Variants in LMTK3 observed in about 807,000 individuals in gnomAD.
LMTK3 encodes the protein serine/threonine-protein kinase LMTK3.
Under a neutral mutation model 116.7 loss-of-function variants are expected in LMTK3, and 27 were observed. The ratio of observed to expected loss-of-function variants is 0.23; its 90% CI spans 0.17 to 0.32. The LOEUF is 0.32. Among genes scored for constraint, LMTK3 ranks in the 10% least tolerant of loss-of-function variants. The pLI is 1.00. For synonymous variants in LMTK3, 965 were observed against 971.0 expected, an observed-to-expected ratio of 0.99 and a Z score of 0.11; for missense variants, 1,764 against 2,068.5, an observed-to-expected ratio of 0.85 and a Z score of 2.86.
intron 5 of LMTK3, among the ~76,000 whole-genome samples, chr19:48,507,997 C>G (rs895129062): frequency 2.6e-5 from 4 of 151,990 alleles, no homozygotes; most frequent in Non-Finnish European, 5.9e-5. Flanking sequence ...AGGGAAGGGG[C>G]CCCATCCACA....
intron 4 of LMTK3, 123 bp from the exon 5 acceptor site, chr19:48,509,092 C>T: frequency 1.5e-6 from 1 of 659,052 alleles, no homozygotes; most frequent in Non-Finnish European, 2.6e-6. Context: ...CCTCCACATC[C>T]CACCACCCTT....
Position 48,498,345 on chromosome 19 carries a change from T to C in LMTK3, c.2724A>G (p.Thr908=). The C allele has an allele frequency of 2.5e-6, 4 of 1,613,172 alleles. No individual in the cohort carries two copies. The highest frequency in any genetic ancestry group is 2.5e-6 in the Non-Finnish European group (3 of 1,179,736). ...GGGCTTGTTTCCCGTTGCCCAGGACTGTCGGGTCCCTGTTCAGGCCCGGGA... is the reference window on the plus strand; with the variant it reads ...GGGCTTGTTTCCCGTTGCCCAGGACCGTCGGGTCCCTGTTCAGGCCCGGGA... ...EKVPGLNRDP[T]VLGNGKQAPS... The change falls in exon 11 of 15, where the codon ACA becomes ACG. Residue 908 remains threonine, a synonymous_variant. Coordinates refer to ENST00000600059, the MANE Select transcript of LMTK3 (RefSeq NM_001388485.1).
chr19:48,487,052 T>TA (rs1461753060), intron 14 of LMTK3, among the ~76,000 whole-genome samples: 6 of 144,740 alleles, frequency 4.1e-5, no homozygotes, highest in Non-Finnish European at 9.0e-5. Flanking sequence ...TTTTTTTTTT[T>TA]AAGACAGAGT....
intron 7 of LMTK3, among the ~76,000 whole-genome samples, chr19:48,501,914 G>A (rs531118488): frequency 2.0e-4 from 21 of 104,790 alleles, no homozygotes; most frequent in African/African-American, 7.7e-4. Context: ...GGCTCCTTCC[G>A]TTCCTCTCCT....
chr19:48,487,559 G>C (rs1972147075), intron 14 of LMTK3, among the ~76,000 whole-genome samples: 1 of 152,160 alleles, frequency 6.6e-6, no homozygotes, highest in Admixed American at 6.5e-5. Context: ...GGTCACTGCT[G>C]TGTCCCCAGC....
intron 6 of LMTK3, 103 bp downstream of exon 6, chr19:48,502,806 A>C: frequency 1.1e-6 from 1 of 929,420 alleles, no homozygotes. Flanking sequence ...CACATCATCT[A>C]CGATGATGAT....
At chr19:48,512,333 C>T (rs1031134297), upstream of LMTK3, among the ~76,000 whole-genome samples, 1 of 152,106 alleles carries the variant, frequency 6.6e-6, no homozygotes, top group African/African-American at 2.4e-5. Flanking sequence ...CCCGGCCACG[C>T]AGGAACGTCA....
Position 48,501,323 on chromosome 19 carries a change from T to A in LMTK3, c.961A>T (p.Thr321Ser). The A allele has an allele frequency of 6.2e-7, 1 of 1,613,390 alleles. No homozygotes were observed. The highest frequency in any genetic ancestry group is 8.5e-7 in the Non-Finnish European group (1 of 1,179,744). Residue 321 changes from threonine (T) to serine (S), a missense_variant, in exon 9 of 15, where the codon ACC (threonine) becomes TCC (serine). Thr to Ser is a moderately conservative substitution (Grantham distance 58). Around this residue, in one of 7 missense-constraint regions of LMTK3, gnomAD observed 271 missense variants for 478.2 expected, o/e 0.57. Coordinates refer to ENST00000600059, the MANE Select transcript of LMTK3 (RefSeq NM_001388485.1). Reference sequence around the variant, plus strand: ...CGGCTCTGGTCCACCACCATGAAGGTCCCGTGGAGCTCCCCGAGGAGCTCG... The same window carrying A: ...CGGCTCTGGTCCACCACCATGAAGGACCCGTGGAGCTCCCCGAGGAGCTCG... ...APELLGELHG[T>S]FMVVDQSRES...
Position 48,497,310 on chromosome 19 carries a change from C to T in LMTK3, c.3676+83G>A, listed in dbSNP as rs1408197153. On this transcript the variant is annotated intron_variant, in intron 11 of 14. Coordinates refer to ENST00000600059, the MANE Select transcript of LMTK3 (RefSeq NM_001388485.1). The surrounding 1 kb of genome is among the most constrained non-coding windows in gnomAD (Gnocchi z 5.7). ...TGCATTCATCACTGCCAGCCCGACCCGACATGTTTACCCACACTCACCCTC... is the reference window on the plus strand; with the variant it reads ...TGCATTCATCACTGCCAGCCCGACCTGACATGTTTACCCACACTCACCCTC... 3 of 1,360,062 alleles carry T rather than the reference C, an allele frequency of 2.2e-6. No individual in the cohort carries two copies. The highest frequency in any genetic ancestry group is 1.5e-5 in the African/African-American group (1 of 66,264). 84.2% of individuals were successfully genotyped at this position (1,360,062 alleles called of 1,614,324 possible).
At chr19:48,506,724 G>A (rs1972577159) in intron 5 of LMTK3, among the ~76,000 whole-genome samples, 1 of 152,160 alleles carries the variant, frequency 6.6e-6, no homozygotes. Flanking sequence ...GAGTACAGTG[G>A]TGTGATCTTG....
chr19:48,503,196 C>T (rs1972503597), intron 5 of LMTK3, among the ~76,000 whole-genome samples, 200 bp from the exon 6 acceptor site: 2 of 152,186 alleles, frequency 1.3e-5, no homozygotes, highest in South Asian at 2.1e-4. Context: ...TACAGGCATG[C>T]GCCACCACGC....
At position 48,499,313 on chromosome 19, in the gene LMTK3, A is replaced by T; in HGVS notation, c.1756T>A (p.Ser586Thr). The change falls in exon 11 of 15, where the codon TCC (serine) becomes ACC (threonine). Residue 586 changes from serine to threonine, a missense_variant. By Grantham distance (58) the Ser-to-Thr change is moderately conservative (BLOSUM62 1). Transcript: ENST00000600059. ...VPQLVSETWASPLFPAPRPFP... is the reference protein window; with the variant it reads ...VPQLVSETWATPLFPAPRPFP... Reference sequence around the variant, plus strand: ...GGCCGGGGCGCAGGGAAGAGGGGGGAGGCCCAGGTCTCGGACACCAGCTGG... The same window carrying T: ...GGCCGGGGCGCAGGGAAGAGGGGGGTGGCCCAGGTCTCGGACACCAGCTGG... 3 of 1,396,218 alleles carry T rather than the reference A, an allele frequency of 2.1e-6. No individual in the cohort carries two copies. The highest frequency in any genetic ancestry group is 2.8e-6 in the Non-Finnish European group (3 of 1,073,174). The allele number at this position is 1,396,218 out of a possible 1,614,324, so 86.5% of individuals were successfully genotyped here. A position where few individuals can be genotyped will look rare whatever the true frequency, so the allele number is the denominator to read the frequency against.
At chr19:48,510,748 G>GGAGTT (rs1277894268) in intron 1 of LMTK3, among the ~76,000 whole-genome samples, 156 bp from the exon 2 acceptor site, 1 of 152,222 alleles carries the variant, frequency 6.6e-6, no homozygotes, top group African/African-American at 2.4e-5. Flanking sequence ...AGGCATTGTG[G>GGAGTT]GAGTTGTAGT....
At position 48,499,213 on chromosome 19, in the gene LMTK3, TC is replaced by T; in HGVS notation, c.1855del (p.Glu619ArgfsTer71). On this transcript the variant is annotated frameshift_variant, in exon 11 of 15. Coordinates refer to ENST00000600059, the MANE Select transcript of LMTK3 (RefSeq NM_001388485.1). LOFTEE classifies it high-confidence loss of function. ...CTCGGCAGGGTCTCCCGCCAGGGTC[TC>T]CCCGGCGCCCCGGCCCTCGGGGTCC... ...GWDPEGRGAG[E>X]TLAGDPAEVL... is the part of the protein sequence containing the mutation. 1 of 1,393,042 alleles carries T rather than the reference TC, an allele frequency of 7.2e-7. No homozygotes were observed. The highest frequency in any genetic ancestry group is 9.4e-7 in the Non-Finnish European group (1 of 1,068,258). The allele number at this position is 1,393,042 out of a possible 1,614,324, so 86.3% of individuals were successfully genotyped here.
chr19:48,504,657 C>T (rs970771768), intron 5 of LMTK3, among the ~76,000 whole-genome samples: 2 of 152,092 alleles, frequency 1.3e-5, no homozygotes, highest in Non-Finnish European at 2.9e-5. Context: ...TCAAGTGATT[C>T]TCCTGCCTCA....
intron 14 of LMTK3, among the ~76,000 whole-genome samples, chr19:48,487,510 G>A (rs1430788713): frequency 6.6e-6 from 1 of 152,152 alleles, no homozygotes; most frequent in East Asian, 1.9e-4. Flanking sequence ...CTGTCTGCTT[G>A]TTCCTATAAA....
At chr19:48,490,888 G>A (rs866196451) in intron 14 of LMTK3, among the ~76,000 whole-genome samples, 34 of 152,326 alleles carry the variant, frequency 2.2e-4, no homozygotes, top group African/African-American at 7.2e-4. Context: ...AGGCTCGGGG[G>A]TTGGGGACGG....
At chr19:48,489,866 C>T (rs996747601) in intron 14 of LMTK3, among the ~76,000 whole-genome samples, 2 of 152,160 alleles carry the variant, frequency 1.3e-5, no homozygotes, top group Non-Finnish European at 2.9e-5. Context: ...AGCTCTGATA[C>T]CGGGGAGCAC....
intron 5 of LMTK3, among the ~76,000 whole-genome samples, chr19:48,504,498 C>G (rs1244384227): frequency 6.6e-6 from 1 of 152,184 alleles, no homozygotes; most frequent in African/African-American, 2.4e-5. Context: ...GTGCTGAGAT[C>G]CTAGCAATTA....
Sources: allele counts gnomAD v4.1 joint callset (sites outside exome capture counted in the v4.1 genomes callset), GRCh38; gene constraint gnomAD v4.1.1; regional missense constraint gnomAD v4.1.1; non-coding constraint Gnocchi (gnomAD v3.1); transcripts MANE v1.5; gene names NCBI Gene and HGNC (gene_info 2026-07-23, HGNC 2026-07-21).